EXOC6: variants seen among roughly 807,000 people sequenced by gnomAD.
EXOC6 encodes exocyst complex component 6.
In EXOC6, 60 loss-of-function variants were observed where a neutral mutation model predicts 112.5. That is an observed-to-expected ratio of 0.53 (90% CI 0.43 to 0.66). EXOC6 has a LOEUF of 0.66. Ranked by LOEUF, EXOC6 falls within the 30% of genes least tolerant of loss-of-function variation. The probability of loss-of-function intolerance (pLI) is 0.00; values close to 1 mark genes in which losing one functional copy is unlikely to be tolerated. For missense variants in EXOC6, 855 were observed against 957.1 expected, an observed-to-expected ratio of 0.89 and a Z score of 1.41; for synonymous variants, 295 against 308.0, an observed-to-expected ratio of 0.96 and a Z score of 0.44.
chr10:93,024,800 T>G (rs886247542), intron 20 of EXOC6, among the ~76,000 whole-genome samples: 23 of 152,304 alleles, frequency 1.5e-4, no homozygotes, highest in African/African-American at 5.5e-4. Flanking sequence ...TCACTTATTT[T>G]AGGGTTTATT....
In EXOC6 at chr10:92,905,725, T is replaced by C. The variant is rs146756814; in HGVS notation, c.459-3702T>C. Among the ~76,000 whole-genome samples, 118 of 152,222 alleles carry C rather than the reference T, an allele frequency of 7.8e-4. 3 individuals are homozygous for C. The East Asian group carries it at 0.022, about 29-fold the overall frequency. On this transcript the variant is annotated intron_variant, in intron 5 of 21. Coordinates refer to ENST00000260762, the MANE Select transcript of EXOC6 (RefSeq NM_019053.6). ...GGTATTAGCTTTGTATAATTTCTGT[T>C]CCTTTAAATTCGTTAAGGCATGTTT...
intron 12 of EXOC6, among the ~76,000 whole-genome samples, chr10:92,939,659 A>G (rs1178079431): frequency 2.0e-5 from 3 of 152,130 alleles, no homozygotes; most frequent in Non-Finnish European, 4.4e-5. Flanking sequence ...AGTAATCATC[A>G]GAGGTTGAAA....
intron 7 of EXOC6, among the ~76,000 whole-genome samples, chr10:92,918,050 TG>T (rs1055618365): frequency 2.0e-5 from 3 of 151,986 alleles, no homozygotes; most frequent in African/African-American, 7.3e-5. Flanking sequence ...GAGGCTGAGG[TG>T]GGAGAATCAC....
intron 20 of EXOC6, among the ~76,000 whole-genome samples, chr10:93,052,301 T>C (rs1590118327): frequency 6.6e-6 from 1 of 152,356 alleles, no homozygotes; most frequent in East Asian, 1.9e-4. Context: ...TCCTTGGGCA[T>C]GGATCGAGAA....
intron 18 of EXOC6, among the ~76,000 whole-genome samples, chr10:92,975,084 C>T (rs564099919): frequency 4.8e-4 from 73 of 150,544 alleles, no homozygotes; most frequent in South Asian, 2.7e-3. Context: ...AAGTGAGGAG[C>T]GTCTCTGCCC....
intron 16 of EXOC6, among the ~76,000 whole-genome samples, chr10:92,955,145 C>T (rs1853621540): frequency 6.6e-6 from 1 of 152,002 alleles, no homozygotes; most frequent in South Asian, 2.1e-4. Flanking sequence ...CTGCACTACA[C>T]AGCCTGGGTG....
rs532957049 is a variant in EXOC6 at position 93,026,045 on chromosome 10, T to G, written c.2169+11778T>G. 3.3e-5 allele frequency among the ~76,000 whole-genome samples: 5 copies of G among 152,352 alleles called. No individual in the cohort carries two copies. The South Asian group carries it at 1.0e-3, about 32-fold the overall frequency. On this transcript the variant is annotated intron_variant, in intron 20 of 21. Coordinates refer to ENST00000260762, the MANE Select transcript of EXOC6 (RefSeq NM_019053.6). ...TTCTTTTGCTCATTGTCTTTGAAAT[T>G]TATCCATGTTGTTACGTATAGCTGT...
At chr10:92,965,664 C>T (rs1842014957) in intron 17 of EXOC6, among the ~76,000 whole-genome samples, 3 of 152,060 alleles carry the variant, frequency 2.0e-5, no homozygotes, top group Admixed American at 2.0e-4. Flanking sequence ...GAATGTCTTA[C>T]CAAATAATTT....
intron 17 of EXOC6, among the ~76,000 whole-genome samples, chr10:92,964,106 A>G (rs1012467744): frequency 7.9e-5 from 12 of 151,936 alleles, no homozygotes; most frequent in African/African-American, 2.7e-4. Context: ...TAGCACACAA[A>G]TCCCTCTTTT....
At chr10:92,891,667 A>G (rs1327148420) in intron 1 of EXOC6, among the ~76,000 whole-genome samples, 1 of 152,074 alleles carries the variant, frequency 6.6e-6, no homozygotes, top group African/African-American at 2.4e-5. Flanking sequence ...TTTTTAGTAG[A>G]GACAGTGTTT....
chr10:92,987,643 G>A (rs1201516436), intron 18 of EXOC6: 1 of 984,102 alleles, frequency 1.0e-6, no homozygotes, highest in Non-Finnish European at 1.2e-6. Flanking sequence ...AGCCATGTCG[G>A]TAAGTAGATA....
chr10:92,977,508 G>A (rs1450324610), intron 18 of EXOC6, among the ~76,000 whole-genome samples: 2 of 152,070 alleles, frequency 1.3e-5, no homozygotes, highest in Non-Finnish European at 2.9e-5. Context: ...ACTGAAAAAG[G>A]AAATCTATAA....
At chr10:92,844,011 C>T (rs978521058), upstream of EXOC6, among the ~76,000 whole-genome samples, 1 of 133,976 alleles carries the variant, frequency 7.5e-6, no homozygotes, top group African/African-American at 2.8e-5. Flanking sequence ...ATTAGCTGGG[C>T]GTGGTGGCAC....
chr10:92,848,446 C>CCCCCCCCCAACCCCCA, upstream of EXOC6: 1 of 1,008,482 alleles, frequency 9.9e-7, no homozygotes, highest in Non-Finnish European at 1.2e-6. Context: ...CCGCCCCCGC[C>CCCCCCCCCAACCCCCA]CCGCCCCTTC....
chr10:92,974,592 T>C (rs866595950), intron 18 of EXOC6, among the ~76,000 whole-genome samples: 376 of 14,774 alleles, frequency 0.025, 4 homozygotes, highest in African/African-American at 0.23. Flanking sequence ...CTCCCTCTCT[T>C]TCCACGTCTC....
At chr10:93,026,641 A>G (rs1039385883) in intron 20 of EXOC6, among the ~76,000 whole-genome samples, 1 of 152,130 alleles carries the variant, frequency 6.6e-6, no homozygotes, top group Non-Finnish European at 1.5e-5. Flanking sequence ...CAGTATTTCA[A>G]ACTTTTTCAT....
At position 92,948,364 on chromosome 10, in the gene EXOC6, TC is replaced by T; in HGVS notation, c.1403del (p.Pro468GlnfsTer46). ...TCATCAGCAAATTTCCCTTTCAAGA[TC>T]CAGACCTTGAAAAGGTACAAGCTAG... ...IVISKFPFQD[P>X]DLEKQSFPKK... is the part of the protein sequence containing the mutation. On this transcript the variant is annotated frameshift_variant, in exon 14 of 22. Transcript: ENST00000260762. LOFTEE classifies it high-confidence loss of function. The T allele has an allele frequency of 6.3e-7, 1 of 1,592,110 alleles. No homozygotes were observed. Among genetic ancestry groups the T allele is most frequent in the Non-Finnish European group, 8.6e-7 (1 of 1,167,582 alleles).
At chr10:93,011,361 ATCC>A (rs1412771212) in intron 19 of EXOC6, among the ~76,000 whole-genome samples, 3 of 151,908 alleles carry the variant, frequency 2.0e-5, no homozygotes, top group African/African-American at 7.3e-5. Context: ...GGCTTAAGTG[ATCC>A]TCCTGCCCTA....
At chr10:92,897,388 G>A (rs12762180) in intron 4 of EXOC6, among the ~76,000 whole-genome samples, 1 of 152,118 alleles carries the variant, frequency 6.6e-6, no homozygotes, top group South Asian at 2.1e-4. Flanking sequence ...GGTAGGTATT[G>A]GAACTATAAA....
Sources: allele counts gnomAD v4.1 joint callset (sites outside exome capture counted in the v4.1 genomes callset), GRCh38; gene constraint gnomAD v4.1.1; transcripts MANE v1.5; gene names NCBI Gene and HGNC (gene_info 2026-07-23, HGNC 2026-07-21).